PAX9: variants seen among roughly 807,000 people sequenced by gnomAD.
PAX9 encodes paired box protein Pax-9.
In PAX9, 6 loss-of-function variants were observed where a neutral mutation model predicts 29.1. The ratio of observed to expected loss-of-function variants is 0.21; its 90% CI spans 0.11 to 0.41. PAX9 has a LOEUF of 0.41. PAX9 is among the 10% of genes least tolerant of loss of function. The probability of loss-of-function intolerance (pLI) is 1.00; values close to 1 mark genes in which losing one functional copy is unlikely to be tolerated. For missense variants in PAX9, 443 were observed against 479.1 expected (o/e 0.92, Z 0.70); for synonymous variants, 217 against 211.7 (o/e 1.03, Z -0.22).
Position 36,678,294 on chromosome 14 carries a change from C to A in PAX9, c.*1842C>A. On this transcript the variant is annotated 3_prime_UTR_variant, in exon 4 of 4. Transcript: ENST00000361487. ...CACACAAATTATGTTAGAGTGACTG[C>A]TTTTTTCAGACAGCAGATATCTTAT... 1.8e-6 allele frequency: 1 copy of A among 563,894 alleles called. No homozygotes were observed. Among genetic ancestry groups the A allele is most frequent in the Non-Finnish European group, 3.1e-6 (1 of 317,526 alleles). 34.9% of individuals were successfully genotyped at this position (563,894 alleles called of 1,614,324 possible).
intron 3 of PAX9, among the ~76,000 whole-genome samples, chr14:36,671,561 C>T (rs1197293239): frequency 6.6e-6 from 1 of 151,702 alleles, no homozygotes; most frequent in Non-Finnish European, 1.5e-5. Context: ...CTTTCACAAA[C>T]CTATACTAAC....
At position 36,663,259 on chromosome 14, in the gene PAX9, A is replaced by G. The variant is rs746663945; in HGVS notation, c.367A>G (p.Ile123Val). The change falls in exon 2 of 4, where the codon ATC becomes GTC. Residue 123 changes from isoleucine to valine, a missense_variant. Physicochemically the swap from Ile to Val is conservative, Grantham distance 29. Coordinates refer to ENST00000361487, the MANE Select transcript of PAX9 (RefSeq NM_001372076.1). Reference protein sequence around the residue: ...DKYNVPSVSSISRILRNKIGN... With the variant: ...DKYNVPSVSSVSRILRNKIGN... ...GTACAATGTGCCCTCCGTGAGCTCCATCAGCCGCATTCTGCGCAACAAGAT... is the reference window on the plus strand; with the variant it reads ...GTACAATGTGCCCTCCGTGAGCTCCGTCAGCCGCATTCTGCGCAACAAGAT... The G allele has an allele frequency of 6.2e-7, 1 of 1,614,126 alleles. No individual in the cohort carries two copies. Among genetic ancestry groups the G allele is most frequent in the Non-Finnish European group, 8.5e-7 (1 of 1,180,032 alleles).
chr14:36,673,256 A>G (rs573556589), intron 3 of PAX9, among the ~76,000 whole-genome samples: 8 of 152,236 alleles, frequency 5.3e-5, no homozygotes, highest in Admixed American at 5.2e-4. Flanking sequence ...CACTAAAATG[A>G]TACTAAATAA....
chr14:36,660,053 G>T (rs984324786), upstream of PAX9, among the ~76,000 whole-genome samples: 1 of 152,196 alleles, frequency 6.6e-6, no homozygotes, highest in Admixed American at 6.5e-5. Flanking sequence ...GTCTGTGAGG[G>T]GGGAGGAGGA....
At chr14:36,663,647 A>C in intron 2 of PAX9, 124 bp downstream of exon 2, 8 of 1,268,888 alleles carry the variant, frequency 6.3e-6, no homozygotes, top group South Asian at 3.9e-5. Flanking sequence ...TTCCTTTGGA[A>C]ACGTAAGGAG....
At chr14:36,673,232 C>T (rs1361570695) in intron 3 of PAX9, among the ~76,000 whole-genome samples, 1 of 151,954 alleles carries the variant, frequency 6.6e-6, no homozygotes, top group Admixed American at 6.6e-5. Context: ...TTCTGCAGTA[C>T]AAAGGGATTG....
In PAX9 at chr14:36,664,620, A is replaced by G. The variant is rs188291036; in HGVS notation, c.631+1097A>G. On this transcript the variant is annotated intron_variant, in intron 2 of 3. Coordinates refer to ENST00000361487, the MANE Select transcript of PAX9 (RefSeq NM_001372076.1). ...ACTTTTTTCTTGGTAGGGAGAAAAG[A>G]AAGTCTGAATGACCTAGATGCAGAA... Among the ~76,000 whole-genome samples the G allele has an allele frequency of 1.5e-4, 23 of 151,664 alleles. No homozygotes were observed. The East Asian group carries it at 3.1e-3, about 20-fold the overall frequency.
intron 1 of PAX9, 130 bp from the exon 2 acceptor site, chr14:36,662,767 G>A (rs573942689): frequency 2.4e-4 from 271 of 1,107,994 alleles, no homozygotes; most frequent in Non-Finnish European, 3.3e-4. Flanking sequence ...TATGGTTTGG[G>A]GACAGCCCCA....
upstream of PAX9, among the ~76,000 whole-genome samples, chr14:36,659,220 C>G (rs1340360687): frequency 6.6e-6 from 1 of 152,216 alleles, no homozygotes; most frequent in Admixed American, 6.5e-5. Context: ...TGTAACCAGG[C>G]GGCAGACTCC....
chr14:36,658,251 A>C (rs1174227811), upstream of PAX9, among the ~76,000 whole-genome samples: 1 of 152,076 alleles, frequency 6.6e-6, no homozygotes, highest in African/African-American at 2.4e-5. Flanking sequence ...ATTTGCCCCC[A>C]GACGGCTAGA....
chr14:36,674,564 C>T (rs1266800564), intron 3 of PAX9, among the ~76,000 whole-genome samples: 2 of 152,214 alleles, frequency 1.3e-5, no homozygotes, highest in Admixed American at 1.3e-4. Context: ...CCTTAAAATA[C>T]ACTTTAATTT....
Position 36,661,921 on chromosome 14 carries a change from C to G in PAX9, c.-169C>G. 1 of 786,232 alleles carries G rather than the reference C, an allele frequency of 1.3e-6. No individual in the cohort carries two copies. 48.7% of individuals were successfully genotyped at this position (786,232 alleles called of 1,614,324 possible). On this transcript the variant is annotated 5_prime_UTR_variant, in exon 1 of 4. Coordinates refer to ENST00000361487, the MANE Select transcript of PAX9 (RefSeq NM_001372076.1). ...AACTCAAGCCTCTTTCATCGGGGCA[C>G]AGACTTCCTTTTACTTCTTCCTTTT...
In PAX9 at chr14:36,663,098, G is replaced by C; in HGVS notation, c.206G>C (p.Gly69Ala). The C allele has an allele frequency of 6.2e-7, 1 of 1,613,950 alleles. No homozygotes were observed. Among genetic ancestry groups the C allele is most frequent in the Non-Finnish European group, 8.5e-7 (1 of 1,180,028 alleles). Reference sequence around the variant, plus strand: ...AACGAGACGGGCTCGATCTTGCCAGGAGCCATCGGGGGCAGCAAGCCCCGG... The same window carrying C: ...AACGAGACGGGCTCGATCTTGCCAGCAGCCATCGGGGGCAGCAAGCCCCGG... ...RYNETGSILP[G>A]AIGGSKPRVT... is the part of the protein sequence containing the mutation. Residue 69 changes from glycine (G) to alanine (A), a missense_variant, in exon 2 of 4, where the codon GGA (glycine) becomes GCA (alanine). By Grantham distance (60) the Gly-to-Ala change is moderately conservative (BLOSUM62 0). Coordinates refer to ENST00000361487, the MANE Select transcript of PAX9 (RefSeq NM_001372076.1).
In PAX9 at chr14:36,663,370, T is replaced by C. The variant is rs1246127494; in HGVS notation, c.478T>C (p.Tyr160His). 6.2e-7 allele frequency: 1 copy of C among 1,613,944 alleles called. No homozygotes were observed. The highest frequency in any genetic ancestry group is 1.3e-5 in the African/African-American group (1 of 75,064). Residue 160 changes from tyrosine (Y) to histidine (H), a missense_variant, in exon 2 of 4, where the codon TAC (tyrosine) becomes CAC (histidine). Transcript: ENST00000361487. ...GCCAGCGCTGCCCTACAACCACATC[T>C]ACTCGTACCCCAGCCCTATCACGGC... is the stretch of plus-strand genomic sequence containing the variant. The part of the protein sequence containing the change: ...PQPALPYNHI[Y>H]SYPSPITAAA...
At chr14:36,673,682 T>G (rs1881778672) in intron 3 of PAX9, among the ~76,000 whole-genome samples, 1 of 152,192 alleles carries the variant, frequency 6.6e-6, no homozygotes, top group African/African-American at 2.4e-5. Flanking sequence ...AACTGTAATT[T>G]TGAATGATAG....
chr14:36,675,165 A>G (rs1349089221), intron 3 of PAX9, among the ~76,000 whole-genome samples: 2 of 152,202 alleles, frequency 1.3e-5, no homozygotes, highest in Non-Finnish European at 2.9e-5. Context: ...TCATTCATGT[A>G]ACTATCAGGA....
chr14:36,663,604 A>G, intron 2 of PAX9, 81 bp downstream of exon 2: 2 of 1,551,636 alleles, frequency 1.3e-6, no homozygotes, highest in South Asian at 1.1e-5. Context: ...CTGCAGCCTC[A>G]GGGACACTGT....
chr14:36,662,123 C>T (rs1243061265), intron 1 of PAX9, 30 bp downstream of exon 1: 2 of 1,047,682 alleles, frequency 1.9e-6, no homozygotes, highest in Admixed American at 5.1e-5. Context: ...TCTGTCAGAG[C>T]CGGGAAGGGA....
chr14:36,662,742 T>C, intron 1 of PAX9, 155 bp from the exon 2 acceptor site: 3 of 876,502 alleles, frequency 3.4e-6, no homozygotes, highest in Admixed American at 2.7e-5. Flanking sequence ...GCCGTTCGGC[T>C]ATGTTCAGGG....
Sources: allele counts gnomAD v4.1 joint callset (sites outside exome capture counted in the v4.1 genomes callset), GRCh38; gene constraint gnomAD v4.1.1; transcripts MANE v1.5; gene names NCBI Gene and HGNC (gene_info 2026-07-23, HGNC 2026-07-21).